The following DLGAP1 variants were observed in gnomAD, a reference collection of about 807,000 sequenced individuals.
DLGAP1 encodes DLG associated protein 1, also known as disks large-associated protein 1.
DLGAP1 carries 11 observed loss-of-function variants against 90.8 expected under a neutral mutation model. That is an observed-to-expected ratio of 0.12 (90% CI 0.08 to 0.20). DLGAP1 has a LOEUF of 0.20. Ranked by LOEUF, DLGAP1 falls within the 10% of genes least tolerant of loss-of-function variation. The probability of loss-of-function intolerance (pLI) is 1.00; values close to 1 mark genes in which losing one functional copy is unlikely to be tolerated. For missense variants in DLGAP1, 1,050 were observed against 1,333.8 expected (o/e 0.79, Z 3.31); for synonymous variants, 558 against 540.7 (o/e 1.03, Z -0.44).
intron 8 of DLGAP1, among the ~76,000 whole-genome samples, chr18:3,569,982 T>C (rs917770947): frequency 2.6e-5 from 4 of 151,994 alleles, no homozygotes; most frequent in African/African-American, 9.7e-5. Context: ...ACCTTTTCTA[T>C]GGTTAGATAC....
At chr18:3,806,370 C>G (rs535364422) in intron 5 of DLGAP1, among the ~76,000 whole-genome samples, 1 of 152,296 alleles carries the variant, frequency 6.6e-6, no homozygotes, top group Admixed American at 6.5e-5. Context: ...TTTGTAGTGC[C>G]TGCTTTTGCC....
chr18:4,320,908 G>A lies in DLGAP1; in HGVS notation c.-267+134098C>T, dbSNP rs561390416. On this transcript the variant is annotated intron_variant, in intron 1 of 12. Coordinates refer to ENST00000315677, the MANE Select transcript of DLGAP1 (RefSeq NM_004746.4). ...GTGGAATTTAATAAAGCCTTTCTGG[G>A]CACTGATATTAAAATAACCTTCATA... Among the ~76,000 whole-genome samples, 11 of 152,256 alleles carry A rather than the reference G, an allele frequency of 7.2e-5. No homozygotes were observed. In the South Asian group the frequency reaches 1.7e-3, roughly 23 times the overall value.
At chr18:3,593,442 T>C (rs1599416149) in intron 7 of DLGAP1, among the ~76,000 whole-genome samples, 1 of 151,996 alleles carries the variant, frequency 6.6e-6, no homozygotes, top group Non-Finnish European at 1.5e-5. Context: ...GCTGTTGGGG[T>C]GGGTCATACA....
chr18:3,920,428 T>C (rs2072244436), intron 3 of DLGAP1, among the ~76,000 whole-genome samples: 1 of 151,404 alleles, frequency 6.6e-6, no homozygotes, highest in Non-Finnish European at 1.5e-5. Flanking sequence ...CAGGTTACCA[T>C]TAGACTTACT....
intron 3 of DLGAP1, among the ~76,000 whole-genome samples, chr18:3,922,344 C>A (rs2148913423): frequency 6.6e-6 from 1 of 152,262 alleles, no homozygotes; most frequent in Non-Finnish European, 1.5e-5. Context: ...TTAAGCCAGG[C>A]ACTAGGGATA....
chr18:3,586,616 G>A (rs2055903486), intron 7 of DLGAP1, among the ~76,000 whole-genome samples: 1 of 152,106 alleles, frequency 6.6e-6, no homozygotes, highest in African/African-American at 2.4e-5. Context: ...ATGCCACCAT[G>A]CCCGGCTTAA....
chr18:3,538,523 T>C (rs1033233298), intron 9 of DLGAP1, among the ~76,000 whole-genome samples: 2 of 152,206 alleles, frequency 1.3e-5, no homozygotes, highest in Non-Finnish European at 2.9e-5. Context: ...TTGGCTGCAG[T>C]AGGCTATTTC....
intron 11 of DLGAP1, among the ~76,000 whole-genome samples, chr18:3,503,610 A>T (rs912511112): frequency 9.2e-5 from 14 of 152,214 alleles, no homozygotes; most frequent in Admixed American, 6.5e-4. Flanking sequence ...TTGGTATTTC[A>T]GGCAACTGGA....
rs372721656 is a variant in DLGAP1 at position 3,925,325 on chromosome 18, T to C, written c.-72-45185A>G. On this transcript the variant is annotated intron_variant, in intron 3 of 12. Coordinates refer to ENST00000315677, the MANE Select transcript of DLGAP1 (RefSeq NM_004746.4). ...TAATTTCAAGATCCCAAAGAACATG[T>C]CATCTGCAAATAGGACAGTTGTATT... Among the ~76,000 whole-genome samples, 66 of 151,508 alleles carry C rather than the reference T, an allele frequency of 4.4e-4. No individual in the cohort carries two copies. In the South Asian group the frequency reaches 0.014, roughly 32 times the overall value.
chr18:4,014,840 T>C (rs1490135350), intron 2 of DLGAP1, among the ~76,000 whole-genome samples: 2 of 152,206 alleles, frequency 1.3e-5, no homozygotes, highest in Non-Finnish European at 2.9e-5. Flanking sequence ...TGATTGGTCC[T>C]GCAGAGGTTC....
intron 7 of DLGAP1, among the ~76,000 whole-genome samples, chr18:3,589,544 A>G (rs976183656): frequency 6.6e-6 from 1 of 152,176 alleles, no homozygotes; most frequent in Non-Finnish European, 1.5e-5. Context: ...AAACACAATA[A>G]GACAAAGTAA....
intron 3 of DLGAP1, among the ~76,000 whole-genome samples, chr18:3,897,945 C>T (rs1382239021): frequency 6.6e-6 from 1 of 151,348 alleles, no homozygotes; most frequent in Admixed American, 6.6e-5. Context: ...CAGGCGCCCG[C>T]CACCGCGCCC....
chr18:4,329,091 C>T (rs1466054654), intron 1 of DLGAP1, among the ~76,000 whole-genome samples: 3 of 151,902 alleles, frequency 2.0e-5, no homozygotes, highest in Admixed American at 6.6e-5. Flanking sequence ...TTTTGCCTCA[C>T]CAAAACTCAC....
intron 7 of DLGAP1, among the ~76,000 whole-genome samples, chr18:3,626,542 C>T (rs531064510): frequency 5.5e-5 from 8 of 146,452 alleles, no homozygotes; most frequent in East Asian, 4.0e-4. Flanking sequence ...TTCAGTGAGC[C>T]GAGATCACAC....
chr18:3,978,121 C>T (rs574532767), intron 3 of DLGAP1: 12 of 447,326 alleles, frequency 2.7e-5, no homozygotes, highest in South Asian at 1.5e-4. Flanking sequence ...AGTCCTTCCA[C>T]GATTCCAAAG....
At chr18:3,804,604 A>AG (rs2066480397) in intron 5 of DLGAP1, among the ~76,000 whole-genome samples, 2 of 152,176 alleles carry the variant, frequency 1.3e-5, no homozygotes, top group South Asian at 4.1e-4. Context: ...TCAGAAGCAG[A>AG]GGGAGGGGGA....
chr18:4,445,335 T>C (rs1567929526), intron 1 of DLGAP1, among the ~76,000 whole-genome samples: 2 of 151,500 alleles, frequency 1.3e-5, no homozygotes, highest in Admixed American at 1.3e-4. Flanking sequence ...TTAGGGTACA[T>C]GTGCACCTTA....
intron 4 of DLGAP1, among the ~76,000 whole-genome samples, chr18:3,829,362 G>A (rs956682508): frequency 6.7e-6 from 1 of 148,234 alleles, no homozygotes; most frequent in African/African-American, 2.5e-5. Flanking sequence ...CCCACATGGT[G>A]CAAACCCTTA....
chr18:3,649,401 G>C (rs1407217012), intron 7 of DLGAP1, among the ~76,000 whole-genome samples: 1 of 152,220 alleles, frequency 6.6e-6, no homozygotes, highest in Non-Finnish European at 1.5e-5. Flanking sequence ...TCTCAAAGGG[G>C]AGAAGCAAGG....
Sources: allele counts gnomAD v4.1 joint callset (sites outside exome capture counted in the v4.1 genomes callset), GRCh38; gene constraint gnomAD v4.1.1; transcripts MANE v1.5; gene names NCBI Gene and HGNC (gene_info 2026-07-23, HGNC 2026-07-21).